NEO1: variants seen among roughly 807,000 people sequenced by gnomAD.
The protein encoded by NEO1 is neogenin 1, also known as neogenin.
NEO1 carries 63 observed loss-of-function variants against 159.7 expected under a neutral mutation model. The ratio of observed to expected loss-of-function variants is 0.39; its 90% CI spans 0.32 to 0.49. The LOEUF is 0.49. Ranked by LOEUF, NEO1 falls within the 20% of genes least tolerant of loss-of-function variation. The pLI is 0.85. For synonymous variants in NEO1, 633 were observed against 662.0 expected (o/e 0.96, Z 0.67); for missense variants, 1,615 against 1,831.0 (o/e 0.88, Z 2.15).
chr15:73,297,133 G>C (rs2042404431), intron 26 of NEO1, among the ~76,000 whole-genome samples: 1 of 152,186 alleles, frequency 6.6e-6, no homozygotes, highest in Non-Finnish European at 1.5e-5. Flanking sequence ...TCTTCCTTAT[G>C]TGGTCTCCCC....
intron 9 of NEO1, 130 bp downstream of exon 9, chr15:73,244,628 A>AG: frequency 1.0e-6 from 1 of 986,526 alleles, no homozygotes; most frequent in East Asian, 2.7e-5. Flanking sequence ...CTTATCAATT[A>AG]GGGGAGGCAA....
intron 3 of NEO1, among the ~76,000 whole-genome samples, chr15:73,124,089 G>A (rs1372073755): frequency 6.6e-6 from 1 of 152,132 alleles, no homozygotes; most frequent in Non-Finnish European, 1.5e-5. Flanking sequence ...TTGAGACACG[G>A]TCTTGCTCTG....
At chr15:73,244,543 C>G in intron 9 of NEO1, 45 bp downstream of exon 9, 2 of 1,586,528 alleles carry the variant, frequency 1.3e-6, no homozygotes, top group Non-Finnish European at 1.7e-6. Flanking sequence ...AGGTAGACCT[C>G]TCTGAAGTTC....
At position 73,274,744 on chromosome 15, in the gene NEO1, C is replaced by CTCTTTTCT; in HGVS notation, c.3193+22_3193+29dup. 1 of 1,604,622 alleles carries CTCTTTTCT rather than the reference C, an allele frequency of 6.2e-7. No individual in the cohort carries two copies. The highest frequency in any genetic ancestry group is 1.7e-5 in the Admixed American group (1 of 59,562). On this transcript the variant is annotated intron_variant, in intron 21 of 28. Coordinates refer to ENST00000261908, the MANE Select transcript of NEO1 (RefSeq NM_002499.4). The stretch of plus-strand genomic sequence containing the variant: ...ATCAAGGTAAATGAGTAGATGGCCT[C>CTCTTTTCT]TCTTTTCTTTCCTTTCTTTTGTGAC...
chr15:73,197,886 G>T (rs561220880), intron 7 of NEO1, among the ~76,000 whole-genome samples: 1 of 151,832 alleles, frequency 6.6e-6, no homozygotes, highest in Non-Finnish European at 1.5e-5. Flanking sequence ...TTACAATGTT[G>T]GTCAGGCTGG....
intron 23 of NEO1, among the ~76,000 whole-genome samples, chr15:73,287,619 C>T (rs2041997021): frequency 2.0e-5 from 3 of 152,196 alleles, no homozygotes; most frequent in Admixed American, 1.3e-4. Flanking sequence ...CAGTGGCTCA[C>T]GCCTGTAATC....
At chr15:73,167,066 A>G (rs185362909) in intron 5 of NEO1, among the ~76,000 whole-genome samples, 1 of 146,064 alleles carries the variant, frequency 6.8e-6, no homozygotes, top group East Asian at 2.2e-4. Flanking sequence ...ATAGGTGGGA[A>G]TTGAACAATG....
At chr15:73,193,537 ATAAG>A (rs1596310497) in intron 7 of NEO1, among the ~76,000 whole-genome samples, 2 of 150,548 alleles carry the variant, frequency 1.3e-5, no homozygotes, top group East Asian at 3.9e-4. Context: ...GTCAGTATAA[ATAAG>A]TGTTATTACT....
At chr15:73,157,987 A>G (rs1157416284) in intron 5 of NEO1, among the ~76,000 whole-genome samples, 1 of 152,128 alleles carries the variant, frequency 6.6e-6, no homozygotes, top group Non-Finnish European at 1.5e-5. Flanking sequence ...AGGCTGAGAC[A>G]AGAGGATCGC....
intron 7 of NEO1, among the ~76,000 whole-genome samples, chr15:73,178,906 G>C (rs1388407111): frequency 6.6e-6 from 1 of 152,048 alleles, no homozygotes; most frequent in Admixed American, 6.6e-5. Context: ...ATAAAACCCT[G>C]ACTACTATAT....
chr15:73,132,659 A>C (rs1238988292), intron 4 of NEO1, among the ~76,000 whole-genome samples: 4 of 152,222 alleles, frequency 2.6e-5, no homozygotes, highest in African/African-American at 9.6e-5. Context: ...TAATATCCAG[A>C]AGCTAGAAGG....
chr15:73,122,115 A>G lies in NEO1; in HGVS notation c.449-410A>G, dbSNP rs1233295595. The stretch of plus-strand genomic sequence containing the variant: ...TATATACACATTATATATATTATAT[A>G]TATGTATAGCAATGAATAAAGACTA... On this transcript the variant is annotated intron_variant, in intron 2 of 28. Transcript: ENST00000261908. Among the ~76,000 whole-genome samples, 11 of 38,900 alleles carry G rather than the reference A, an allele frequency of 2.8e-4. 1 individual carries two copies. The highest frequency in any genetic ancestry group is 2.3e-3 in the African/African-American group (10 of 4,428). 25.5% of individuals were successfully genotyped at this position (38,900 alleles called of 152,430 possible). A position where few individuals can be genotyped will look rare whatever the true frequency, so the allele number is the denominator to read the frequency against.
intron 1 of NEO1, among the ~76,000 whole-genome samples, chr15:73,093,917 A>G (rs34431223): frequency 0.087 from 13,205 of 151,474 alleles, 668 homozygotes; most frequent in South Asian, 0.11. Flanking sequence ...TCATTGACAT[A>G]CCTCCATCAT....
intron 7 of NEO1, among the ~76,000 whole-genome samples, chr15:73,232,011 A>G (rs1207484538): frequency 1.3e-5 from 2 of 152,208 alleles, no homozygotes; most frequent in Admixed American, 6.5e-5. Flanking sequence ...TAAATCCAGT[A>G]TCTGAGGACA....
In NEO1 at chr15:73,260,287, A is replaced by G; in HGVS notation, c.2220A>G (p.Glu740=). The part of the protein sequence containing the change: ...ESDLDETRVP[E]VPSSLHVRPL... Reference sequence around the variant, plus strand: ...CCTTCCCAGAAACTCGTGTTCCTGAAGTGCCTAGCTCTCTTCACGTACGCC... The same window carrying G: ...CCTTCCCAGAAACTCGTGTTCCTGAGGTGCCTAGCTCTCTTCACGTACGCC... Residue 740 remains glutamate, a synonymous_variant, in exon 15 of 29, where the codon GAA becomes GAG. Coordinates refer to ENST00000261908, the MANE Select transcript of NEO1 (RefSeq NM_002499.4). 1 of 1,610,500 alleles carries G rather than the reference A, an allele frequency of 6.2e-7. No homozygotes were observed.
intron 22 of NEO1, among the ~76,000 whole-genome samples, chr15:73,282,444 G>T (rs1041228633): frequency 1.3e-5 from 2 of 152,164 alleles, no homozygotes; most frequent in African/African-American, 4.8e-5. Flanking sequence ...TTGAACAAGA[G>T]AATTAACTCT....
intron 1 of NEO1, among the ~76,000 whole-genome samples, chr15:73,067,548 C>T (rs1305631161): frequency 6.6e-6 from 1 of 150,810 alleles, no homozygotes; most frequent in East Asian, 1.9e-4. Context: ...CTCCCGGGTT[C>T]ACGCCTTTCT....
chr15:73,158,208 C>CTTTTTTTTTTTTTTTT (rs1047852394), intron 5 of NEO1, among the ~76,000 whole-genome samples: 8 of 82,552 alleles, frequency 9.7e-5, no homozygotes, highest in South Asian at 5.7e-4. Context: ...GAGTGAGACT[C>CTTTTTTTTTTTTTTTT]TTTTTTTTTT....
rs1270571259 is a variant in NEO1, at chr15:73,254,663, A to T, written c.1945-19A>T. ...TTTTGATATATTCAGCCTTTTTTCT[A>T]TAATTCTGTCTTGTGCAGAGTATTA... On this transcript the variant is annotated intron_variant, in intron 12 of 28. Transcript: ENST00000261908. 2 of 1,572,972 alleles carry T rather than the reference A, an allele frequency of 1.3e-6. No individual in the cohort carries two copies. The highest frequency in any genetic ancestry group is 2.0e-5 in the Admixed American group (1 of 49,482).
Sources: allele counts gnomAD v4.1 joint callset (sites outside exome capture counted in the v4.1 genomes callset), GRCh38; gene constraint gnomAD v4.1.1; transcripts MANE v1.5; gene names NCBI Gene and HGNC (gene_info 2026-07-23, HGNC 2026-07-21).